SHROOM1: variants seen among roughly 807,000 people sequenced by gnomAD.
The protein encoded by SHROOM1 is shroom family member 1, also known as protein Shroom1.
A neutral mutation model predicts 64.2 loss-of-function variants in SHROOM1; 53 were observed. The observed-to-expected ratio is 0.83, with a 90% CI of 0.66 to 1.04. SHROOM1 has a LOEUF of 1.04. Ranked by LOEUF, SHROOM1 falls within the 50% of genes least tolerant of loss-of-function variation. SHROOM1 has a pLI of 0.00. For missense variants in SHROOM1, 1,179 were observed against 1,163.2 expected (o/e 1.01, Z -0.20); for synonymous variants, 490 against 518.9 (o/e 0.94, Z 0.76).
chr5:132,823,780 G>C lies in SHROOM1; in HGVS notation c.1812-16C>G, dbSNP rs777015347. The C allele has an allele frequency of 5.2e-6, 8 of 1,545,558 alleles. No homozygotes were observed. The highest frequency in any genetic ancestry group is 7.0e-6 in the Non-Finnish European group (8 of 1,146,852). On this transcript the variant is annotated splice_polypyrimidine_tract_variant and intron_variant, in intron 7 of 9. Transcript: ENST00000378679. This position sits in a 1 kb window ranked among gnomAD's most constrained non-coding sequence, Gnocchi z 4.6. ...CTGATAGGACCTGGGAACAAAACCA[G>C]AGCTCCCTGGGTTTCCTGTCCCCAA...
Position 132,830,568 on chromosome 5 carries a change from C to T in SHROOM1, c.-501+26G>A. On this transcript the variant is annotated intron_variant, in intron 1 of 9. Coordinates refer to ENST00000378679, the MANE Select transcript of SHROOM1 (RefSeq NM_001172700.2). This position sits in a 1 kb window ranked among gnomAD's most constrained non-coding sequence, Gnocchi z 5.9. ...GGGAAGCGGACCCAGCCGCCCGCTT[C>T]CCGCTCCCCCGCCCCCGCCGCGTAC... The T allele has an allele frequency of 1.0e-6, 1 of 985,638 alleles. No individual in the cohort carries two copies. The highest frequency in any genetic ancestry group is 1.2e-6 in the Non-Finnish European group (1 of 829,878). 61.1% of individuals were successfully genotyped at this position (985,638 alleles called of 1,614,324 possible). A position where few individuals can be genotyped will look rare whatever the true frequency, so the allele number is the denominator to read the frequency against.
rs1398712825 is a variant in SHROOM1 at position 132,824,828 on chromosome 5, G to C, written c.1035-7C>G. On this transcript the variant is annotated splice_polypyrimidine_tract_variant and splice_region_variant and intron_variant, in intron 5 of 9. Transcript: ENST00000378679. ...CTCTTTCTGAGGCAAGAACCTGGAG[G>C]CAGGGACCCCATAGTGACCACAGTG... The C allele has an allele frequency of 6.2e-6, 10 of 1,613,912 alleles. No homozygotes were observed. The African/African-American group carries it at 1.1e-4, about 17-fold the overall frequency.
At chr5:132,829,489 C>T (rs763082320) in intron 1 of SHROOM1, 3 of 795,568 alleles carry the variant, frequency 3.8e-6, no homozygotes, top group Non-Finnish European at 4.6e-6. Context: ...AGACAGTTTC[C>T]GGTGGATAAA....
In SHROOM1 at chr5:132,826,431, G is replaced by C; in HGVS notation, c.-197C>G. 1 of 446,944 alleles carries C rather than the reference G, an allele frequency of 2.2e-6. No individual in the cohort carries two copies. Among genetic ancestry groups the C allele is most frequent in the South Asian group, 1.2e-4 (1 of 8,344 alleles). 27.7% of individuals were successfully genotyped at this position (446,944 alleles called of 1,614,324 possible). A position where few individuals can be genotyped will look rare whatever the true frequency, so the allele number is the denominator to read the frequency against. ...AGCTCAGGGGAAGGAATTGGGACCA[G>C]CTCATTCCCTGCCAGGCTCCCCTTG... is the stretch of plus-strand genomic sequence containing the variant. On this transcript the variant is annotated 5_prime_UTR_variant, in exon 3 of 10. Coordinates refer to ENST00000378679, the MANE Select transcript of SHROOM1 (RefSeq NM_001172700.2).
rs1252921033 is a variant in SHROOM1, at chr5:132,826,040, C to G, written c.101G>C (p.Ser34Thr). The G allele has an allele frequency of 6.6e-7, 1 of 1,522,692 alleles. No individual in the cohort carries two copies. The highest frequency in any genetic ancestry group is 8.8e-7 in the Non-Finnish European group (1 of 1,137,400). The allele number at this position is 1,522,692 out of a possible 1,614,324, so 94.3% of individuals were successfully genotyped here. ...GCCGCCGGAGGCTGCGGAGAAAGAGCTGTAGGCCGAGTCCGCGCGCATGGA... is the reference window on the plus strand; with the variant it reads ...GCCGCCGGAGGCTGCGGAGAAAGAGGTGTAGGCCGAGTCCGCGCGCATGGA... Reference protein sequence around the residue: ...HLSMRADSAYSSFSAASGGPE... With the variant: ...HLSMRADSAYTSFSAASGGPE... Residue 34 changes from serine to threonine, a missense_variant, in exon 4 of 10, where the codon AGC becomes ACC. Ser to Thr is a moderately conservative substitution (Grantham distance 58). Coordinates refer to ENST00000378679, the MANE Select transcript of SHROOM1 (RefSeq NM_001172700.2).
Position 132,825,314 on chromosome 5 carries a change from A to T in SHROOM1, c.827T>A (p.Leu276Gln). 1 of 1,610,402 alleles carries T rather than the reference A, an allele frequency of 6.2e-7. No individual in the cohort carries two copies. Among genetic ancestry groups the T allele is most frequent in the Non-Finnish European group, 8.5e-7 (1 of 1,179,744 alleles). ...AKFEDHEVGW[L>Q]PETQPQGSMN... Reference sequence around the variant, plus strand: ...GGAGCCTTGGGGTTGCGTCTCGGGCAGCCATCCGACCTCGTGATCTTCAAA... The same window carrying T: ...GGAGCCTTGGGGTTGCGTCTCGGGCTGCCATCCGACCTCGTGATCTTCAAA... The change falls in exon 4 of 10, where the codon CTG (leucine) becomes CAG (glutamine). Residue 276 changes from leucine to glutamine, a missense_variant. Coordinates refer to ENST00000378679, the MANE Select transcript of SHROOM1 (RefSeq NM_001172700.2). This position sits in a 1 kb window ranked among gnomAD's most constrained non-coding sequence, Gnocchi z 5.1.
Position 132,825,427 on chromosome 5 carries a change from C to G in SHROOM1, c.714G>C (p.Pro238=), listed in dbSNP as rs758837191. 20 of 1,592,114 alleles carry G rather than the reference C, an allele frequency of 1.3e-5. No homozygotes were observed. Among genetic ancestry groups the G allele is most frequent in the Middle Eastern group, 3.3e-4 (2 of 6,058 alleles). ...KLDRVGRGGG[P]ARECLGEACS... is the part of the protein sequence containing the mutation. ...AGGCCTCACCCAGGCATTCCCGCGCCGGCCCACCGCCCCGACCCACACGAT... is the reference window on the plus strand; with the variant it reads ...AGGCCTCACCCAGGCATTCCCGCGCGGGCCCACCGCCCCGACCCACACGAT... Residue 238 remains proline, a synonymous_variant, in exon 4 of 10, where the codon CCG becomes CCC. Coordinates refer to ENST00000378679, the MANE Select transcript of SHROOM1 (RefSeq NM_001172700.2). The surrounding 1 kb of genome is among the most constrained non-coding windows in gnomAD (Gnocchi z 5.1).
At chr5:132,827,797 T>C (rs551079857) in intron 1 of SHROOM1, among the ~76,000 whole-genome samples, 190 bp from the exon 2 acceptor site, 10 of 152,262 alleles carry the variant, frequency 6.6e-5, no homozygotes, top group Admixed American at 3.9e-4. Context: ...GAGGACAGAA[T>C]GGGTGAAGCA....
At chr5:132,827,194 C>T (rs1444992933) in intron 2 of SHROOM1, among the ~76,000 whole-genome samples, 1 of 152,236 alleles carries the variant, frequency 6.6e-6, no homozygotes, top group African/African-American at 2.4e-5. Context: ...CCCCACCCCA[C>T]ACTGTCCCTG....
chr5:132,827,939 G>C (rs149575607), intron 1 of SHROOM1, among the ~76,000 whole-genome samples: 539 of 152,252 alleles, frequency 3.5e-3, no homozygotes, highest in Middle Eastern at 0.01. Flanking sequence ...AAGGGTAAGA[G>C]TTGAGTGGGT....
rs1758676073 is a variant in SHROOM1, at chr5:132,825,896, G to A, written c.245C>T (p.Ser82Phe). The change falls in exon 4 of 10, where the codon TCC becomes TTC. Residue 82 changes from serine (S) to phenylalanine (F), a missense_variant. By Grantham distance (155) the Ser-to-Phe change is radical. Transcript: ENST00000378679. The surrounding 1 kb of genome is among the most constrained non-coding windows in gnomAD (Gnocchi z 5.1). ...TGCAACCGCGGGCCGGGGCCGCGGG[G>A]ATGTGCAAAGGGCAGCGTCGGGCGG... Reference protein sequence around the residue: ...PAPPDAALCTSPRPRPAVAAR... With the variant: ...PAPPDAALCTFPRPRPAVAAR... The A allele has an allele frequency of 7.6e-7, 1 of 1,317,206 alleles. No individual in the cohort carries two copies. Among genetic ancestry groups the A allele is most frequent in the Non-Finnish European group, 9.7e-7 (1 of 1,026,808 alleles). 81.6% of individuals were successfully genotyped at this position (1,317,206 alleles called of 1,614,324 possible). A position where few individuals can be genotyped will look rare whatever the true frequency, so the allele number is the denominator to read the frequency against.
At position 132,825,407 on chromosome 5, in the gene SHROOM1, T is replaced by C. The variant is rs768234951; in HGVS notation, c.734A>G (p.Glu245Gly). The C allele has an allele frequency of 1.9e-6, 3 of 1,595,064 alleles. No homozygotes were observed. The highest frequency in any genetic ancestry group is 2.5e-6 in the Non-Finnish European group (3 of 1,177,634). Residue 245 changes from glutamate to glycine, a missense_variant, in exon 4 of 10, where the codon GAG becomes GGG. Glu to Gly is a moderately conservative substitution (Grantham distance 98). Coordinates refer to ENST00000378679, the MANE Select transcript of SHROOM1 (RefSeq NM_001172700.2). The surrounding 1 kb of genome is among the most constrained non-coding windows in gnomAD (Gnocchi z 5.1). ...AGGGAGGCCAGAGCTGGAGCAGGCC[T>C]CACCCAGGCATTCCCGCGCCGGCCC... Reference protein sequence around the residue: ...GGGPARECLGEACSSSGLPGP... With the variant: ...GGGPARECLGGACSSSGLPGP...
Position 132,823,048 on chromosome 5 carries a change from G to A in SHROOM1, c.2307C>T (p.Arg769=), listed in dbSNP as rs2034586401. 3 of 1,597,572 alleles carry A rather than the reference G, an allele frequency of 1.9e-6. No homozygotes were observed. Among genetic ancestry groups the A allele is most frequent in the African/African-American group, 2.7e-5 (2 of 74,826 alleles). ...AKELKEHVAR[R]ERAVREVLVR... is the part of the protein sequence containing the mutation. ...CCAGCACCTCCCGCACGGCCCGCTC[G>A]CGCCGCGCTACGTGCTCCTTCAGCT... The change falls in exon 10 of 10, where the codon CGC becomes CGT. Residue 769 remains arginine, a synonymous_variant. Coordinates refer to ENST00000378679, the MANE Select transcript of SHROOM1 (RefSeq NM_001172700.2). The surrounding 1 kb of genome is among the most constrained non-coding windows in gnomAD (Gnocchi z 4.6).
Position 132,823,136 on chromosome 5 carries a change from C to A in SHROOM1, c.2227-8G>T. On this transcript the variant is annotated splice_region_variant and splice_polypyrimidine_tract_variant and intron_variant, in intron 9 of 9. Transcript: ENST00000378679. The surrounding 1 kb of genome is among the most constrained non-coding windows in gnomAD (Gnocchi z 4.6). The stretch of plus-strand genomic sequence containing the variant: ...TCGCTGCAGCAGGGAGGCCTTGAGC[C>A]GCAGGAAGAGGCGCCGTGAGCCGGG... The A allele has an allele frequency of 1.3e-6, 2 of 1,549,746 alleles. No homozygotes were observed. Among genetic ancestry groups the A allele is most frequent in the South Asian group, 2.4e-5 (2 of 83,936 alleles).
rs1207393713 is a variant in SHROOM1 at position 132,830,446 on chromosome 5, A to T, written c.-501+148T>A. ...GCAACCTGACGCGGCGCCGAGCCAG[A>T]CACGTCCCGGCCGAACGATGCCCGG... On this transcript the variant is annotated intron_variant, in intron 1 of 9. Transcript: ENST00000378679. This position sits in a 1 kb window ranked among gnomAD's most constrained non-coding sequence, Gnocchi z 5.9. The T allele has an allele frequency of 7.9e-5, 78 of 984,586 alleles. No individual in the cohort carries two copies. Among genetic ancestry groups the T allele is most frequent in the Non-Finnish European group, 8.8e-5 (73 of 829,798 alleles). 61.0% of individuals were successfully genotyped at this position (984,586 alleles called of 1,614,324 possible).
At chr5:132,829,729 G>A in intron 1 of SHROOM1, 1 of 985,448 alleles carries the variant, frequency 1.0e-6, no homozygotes, top group African/African-American at 1.7e-5. Context: ...CTGAGTTCCT[G>A]GGTACTGGAC....
In SHROOM1 at chr5:132,824,401, C is replaced by A; in HGVS notation, c.1260G>T (p.Gln420His). The A allele has an allele frequency of 6.4e-7, 1 of 1,553,778 alleles. No individual in the cohort carries two copies. Among genetic ancestry groups the A allele is most frequent in the South Asian group, 1.3e-5 (1 of 79,710 alleles). ...GPPASVHASDQPYGTGLGQRT... is the reference protein window; with the variant it reads ...GPPASVHASDHPYGTGLGQRT... ...TTTGGCCTAAGCCAGTTCCATACGGCTGGTCAGAGGCATGGACACTGGAAG... is the reference window on the plus strand; with the variant it reads ...TTTGGCCTAAGCCAGTTCCATACGGATGGTCAGAGGCATGGACACTGGAAG... Residue 420 changes from glutamine to histidine, a missense_variant, in exon 7 of 10, where the codon CAG becomes CAT. Physicochemically the swap from Gln to His is conservative, Grantham distance 24 (BLOSUM62 0). Coordinates refer to ENST00000378679, the MANE Select transcript of SHROOM1 (RefSeq NM_001172700.2).
Position 132,823,395 on chromosome 5 carries a change from CA to C in SHROOM1, c.2080del (p.Cys694ValfsTer16). On this transcript the variant is annotated frameshift_variant, in exon 9 of 10. Coordinates refer to ENST00000378679, the MANE Select transcript of SHROOM1 (RefSeq NM_001172700.2). LOFTEE classifies it high-confidence loss of function. This position sits in a 1 kb window ranked among gnomAD's most constrained non-coding sequence, Gnocchi z 4.6. ...AALEAAVRQA[C>X]APQELERFSR... Reference sequence around the variant, plus strand: ...GAACCGCTCCAGCTCCTGAGGGGCACAGGCCTGGCGCACTGCAGCCTCCAGA... The same window carrying C: ...GAACCGCTCCAGCTCCTGAGGGGCACGGCCTGGCGCACTGCAGCCTCCAGA... 1 of 1,610,518 alleles carries C rather than the reference CA, an allele frequency of 6.2e-7. No homozygotes were observed. Among genetic ancestry groups the C allele is most frequent in the Non-Finnish European group, 8.5e-7 (1 of 1,179,798 alleles).
rs377481094 is a variant in SHROOM1 at position 132,830,296 on chromosome 5, C to T, written c.-501+298G>A. ...GGTGGCGGAGTGAGACCGCGCTGCC[C>T]GCCGGCGCCACACGCGGCGCGCCCA... is the stretch of plus-strand genomic sequence containing the variant. On this transcript the variant is annotated intron_variant, in intron 1 of 9. Coordinates refer to ENST00000378679, the MANE Select transcript of SHROOM1 (RefSeq NM_001172700.2). The surrounding 1 kb of genome is among the most constrained non-coding windows in gnomAD (Gnocchi z 5.9). The T allele has an allele frequency of 1.0e-6, 1 of 985,210 alleles. No homozygotes were observed. The highest frequency in any genetic ancestry group is 1.1e-4 in the East Asian group (1 of 8,782). The allele number at this position is 985,210 out of a possible 1,614,324, so 61.0% of individuals were successfully genotyped here.
Sources: allele counts gnomAD v4.1 joint callset (sites outside exome capture counted in the v4.1 genomes callset), GRCh38; gene constraint gnomAD v4.1.1; non-coding constraint Gnocchi (gnomAD v3.1); transcripts MANE v1.5; gene names NCBI Gene and HGNC (gene_info 2026-07-23, HGNC 2026-07-21).